The following COL4A5 variants were observed in gnomAD, a reference collection of about 807,000 sequenced individuals.
COL4A5 encodes collagen type IV alpha 5 chain, also known as collagen alpha-5(IV) chain.
A neutral mutation model predicts 130.2 loss-of-function variants in COL4A5; 26 were observed. The observed-to-expected ratio is 0.20, with a 90% CI of 0.15 to 0.28. COL4A5 has a LOEUF of 0.28. COL4A5 is among the 10% of genes least tolerant of loss of function. The pLI is 1.00. For missense variants in COL4A5, 1,131 were observed against 1,344.3 expected, an observed-to-expected ratio of 0.84 and a Z score of 2.48; for synonymous variants, 496 against 439.6, an observed-to-expected ratio of 1.13 and a Z score of -1.60.
At chrX:108,473,595 TTATATATATATATATATGTA>T (rs1349348440) in intron 1 of COL4A5, among the ~76,000 whole-genome samples, 1 of 59,560 alleles carries the variant, frequency 1.7e-5, no homozygotes, top group African/African-American at 5.5e-5. Context: ...ATATAAAGTT[TTATATATATATATATATGTA>T]TATATATATA....
intron 29 of COL4A5, among the ~76,000 whole-genome samples, chrX:108,610,863 A>G (rs1231433426): frequency 8.9e-6 from 1 of 111,743 alleles, no homozygotes; most frequent in East Asian, 2.8e-4. Flanking sequence ...ATTATGTTCT[A>G]TGCCAGCTAG....
intron 1 of COL4A5, among the ~76,000 whole-genome samples, chrX:108,459,686 A>G (rs906200313): frequency 3.6e-5 from 4 of 112,149 alleles, no homozygotes; most frequent in Non-Finnish European, 7.5e-5. Flanking sequence ...TATATTTCAA[A>G]TTTATATACC....
intron 45 of COL4A5, 65 bp downstream of exon 45, chrX:108,680,816 T>C (rs2068412432): frequency 1.7e-6 from 2 of 1,188,821 alleles, no homozygotes; most frequent in Non-Finnish European, 2.3e-6. Flanking sequence ...ATAGCCATTT[T>C]CTGATTTGAC....
chrX:108,477,815 C>CAAAAAA (rs749101117), intron 1 of COL4A5, among the ~76,000 whole-genome samples: 1 of 33,914 alleles, frequency 2.9e-5, no homozygotes, highest in Non-Finnish European at 5.7e-5. Context: ...GACTTTGTCT[C>CAAAAAA]AAAAAAAAAA....
rs2066064210 is a variant in COL4A5 at position 108,571,485 on chromosome X, G to T, written c.438+19G>T. The T allele has an allele frequency of 8.7e-7, 1 of 1,144,403 alleles. No homozygotes were observed. Among genetic ancestry groups the T allele is most frequent in the Non-Finnish European group, 1.2e-6 (1 of 835,274 alleles). The allele number at this position is 1,144,403 out of a possible 1,213,427, so 94.3% of individuals were successfully genotyped here. On this transcript the variant is annotated intron_variant, in intron 7 of 52. Coordinates refer to ENST00000328300, the MANE Select transcript of COL4A5 (RefSeq NM_033380.3). ...TCCTCCAGTAAGTTATAAAATTTGG[G>T]ATTATGATGAACACAGGAATTAACA...
chrX:108,687,579 A>G lies in COL4A5; in HGVS notation c.4413A>G (p.Thr1471=). Residue 1471 remains threonine, a synonymous_variant, in exon 49 of 53, where the codon ACA becomes ACG. Coordinates refer to ENST00000328300, the MANE Select transcript of COL4A5 (RefSeq NM_033380.3). ...CTGTTGCACATGGATTTCTTATTAC[A>G]CGCCACAGCCAGACAACGGATGCAC... ...TSSVAHGFLI[T]RHSQTTDAPQ... 1 of 1,211,340 alleles carries G rather than the reference A, an allele frequency of 8.3e-7. No homozygotes were observed. Among genetic ancestry groups the G allele is most frequent in the African/African-American group, 1.7e-5 (1 of 57,708 alleles).
chrX:108,665,490 T>G lies in COL4A5; in HGVS notation c.3374-17T>G. The stretch of plus-strand genomic sequence containing the variant: ...TGCAGTTTTTCTTTCATTTTTAAAT[T>G]GAGCTCTTTACTCTAGGAACCCCAG... On this transcript the variant is annotated splice_polypyrimidine_tract_variant and intron_variant, in intron 37 of 52. Transcript: ENST00000328300. 4 of 1,158,734 alleles carry G rather than the reference T, an allele frequency of 3.5e-6. No individual in the cohort carries two copies. Among genetic ancestry groups the G allele is most frequent in the Non-Finnish European group, 4.7e-6 (4 of 848,185 alleles).
intron 25 of COL4A5, among the ~76,000 whole-genome samples, chrX:108,600,593 G>T: frequency 9.1e-6 from 1 of 110,038 alleles, no homozygotes; most frequent in African/African-American, 3.3e-5. Flanking sequence ...CCTGTTTTAG[G>T]GGTTTCCAGA....
intron 49 of COL4A5, chrX:108,689,709 T>C (rs1335010349): frequency 1.3e-6 from 1 of 752,735 alleles, no homozygotes; most frequent in Non-Finnish European, 1.6e-6. Flanking sequence ...CCTGATCGAA[T>C]AAATGCAGTC....
intron 33 of COL4A5, among the ~76,000 whole-genome samples, chrX:108,623,426 G>A (rs997169363): frequency 7.4e-5 from 7 of 95,238 alleles, no homozygotes; most frequent in African/African-American, 2.2e-4. Context: ...AAAATATTAC[G>A]TGGGGTTTTC....
intron 1 of COL4A5, among the ~76,000 whole-genome samples, chrX:108,534,192 C>T (rs901662998): frequency 6.3e-5 from 7 of 110,331 alleles, no homozygotes; most frequent in African/African-American, 2.3e-4. Context: ...AAGAAAGAAA[C>T]TAAACATAGC....
intron 36 of COL4A5, among the ~76,000 whole-genome samples, chrX:108,641,754 C>A (rs2067472029): frequency 8.9e-6 from 1 of 111,863 alleles, no homozygotes; most frequent in Non-Finnish European, 1.9e-5. Context: ...GCTGGGTCAC[C>A]AAGCAGGCCA....
At chrX:108,557,706 T>C (rs1199449870) in intron 2 of COL4A5, among the ~76,000 whole-genome samples, 1 of 110,977 alleles carries the variant, frequency 9.0e-6, no homozygotes, top group Non-Finnish European at 1.9e-5. Context: ...TCTAGAGATA[T>C]GTGTCTTCAA....
rs372610472 is a variant in COL4A5 at position 108,582,158 on chromosome X, G to A, written c.937-726G>A. On this transcript the variant is annotated intron_variant, in intron 16 of 52. Transcript: ENST00000328300. ...TGGTTTCAGGATATTTTACTAAACA[G>A]GCAATCCTCAACTTACAATCTCTAG... Among the ~76,000 whole-genome samples the A allele has an allele frequency of 6.0e-4, 67 of 111,382 alleles. 1 individual carries two copies. Among genetic ancestry groups the A allele is most frequent in the African/African-American group, 2.1e-3 (64 of 30,756 alleles).
intron 1 of COL4A5, among the ~76,000 whole-genome samples, chrX:108,531,314 C>T (rs1409004575): frequency 4.0e-5 from 4 of 101,184 alleles, no homozygotes; most frequent in Admixed American, 1.1e-4. Flanking sequence ...ACATATGTAA[C>T]TAACCTGCAC....
intron 17 of COL4A5, among the ~76,000 whole-genome samples, chrX:108,583,982 A>G (rs2066290372): frequency 9.2e-6 from 1 of 108,478 alleles, no homozygotes; most frequent in Non-Finnish European, 1.9e-5. Context: ...ATGATAGTTA[A>G]GTCCATCACA....
intron 2 of COL4A5, 127 bp downstream of exon 2, chrX:108,539,932 G>T: frequency 3.6e-6 from 2 of 549,598 alleles, no homozygotes; most frequent in South Asian, 5.4e-5. Context: ...CTATTGCATT[G>T]CTTATTTTAG....
chrX:108,649,807 A>C (rs754560427), intron 36 of COL4A5, among the ~76,000 whole-genome samples: 1 of 112,085 alleles, frequency 8.9e-6, no homozygotes. Context: ...TAAAAAATCT[A>C]GAAGATATCA....
chrX:108,554,483 A>G (rs1331483079), intron 2 of COL4A5, among the ~76,000 whole-genome samples: 2 of 110,959 alleles, frequency 1.8e-5, no homozygotes, highest in Non-Finnish European at 3.8e-5. Flanking sequence ...CTCCCTCAAC[A>G]CTTGGGGATT....
Sources: allele counts gnomAD v4.1 joint callset (sites outside exome capture counted in the v4.1 genomes callset), GRCh38; gene constraint gnomAD v4.1.1; transcripts MANE v1.5; gene names NCBI Gene and HGNC (gene_info 2026-07-23, HGNC 2026-07-21).